MGLL: variants seen among roughly 807,000 people sequenced by gnomAD.
MGLL encodes lysophospholipase homolog.
In MGLL, 7 loss-of-function variants were observed where a neutral mutation model predicts 29.1. The ratio of observed to expected loss-of-function variants is 0.24; its 90% CI spans 0.14 to 0.45. MGLL has a LOEUF of 0.45. MGLL is among the 20% of genes least tolerant of loss of function. MGLL has a pLI of 0.99. For synonymous variants in MGLL, 148 were observed against 168.3 expected, an observed-to-expected ratio of 0.88 and a Z score of 0.93; for missense variants, 356 against 413.6, an observed-to-expected ratio of 0.86 and a Z score of 1.21.
chr3:127,779,788 C>G (rs1317155695), intron 3 of MGLL, among the ~76,000 whole-genome samples: 3 of 152,156 alleles, frequency 2.0e-5, no homozygotes, highest in Non-Finnish European at 4.4e-5. Context: ...TCTTCACTTA[C>G]TAGCACATTT....
chr3:127,765,542 G>A (rs1014290096), intron 3 of MGLL, among the ~76,000 whole-genome samples: 19 of 152,228 alleles, frequency 1.2e-4, no homozygotes, highest in Non-Finnish European at 2.5e-4. Context: ...GAAGAGCCAC[G>A]TGTTCTTGTC....
intron 7 of MGLL, among the ~76,000 whole-genome samples, chr3:127,693,205 C>T (rs372637555): frequency 2.0e-5 from 3 of 152,192 alleles, no homozygotes; most frequent in African/African-American, 7.2e-5. Context: ...CTCATTACTG[C>T]AAGCCCAAAC....
intron 2 of MGLL, among the ~76,000 whole-genome samples, chr3:127,812,659 G>A (rs2077684496): frequency 6.6e-6 from 1 of 152,226 alleles, no homozygotes; most frequent in Non-Finnish European, 1.5e-5. Flanking sequence ...CAGGTCCGCA[G>A]AGTCCCCAGA....
chr3:127,798,348 A>T (rs1173099945), intron 2 of MGLL, among the ~76,000 whole-genome samples: 1 of 151,984 alleles, frequency 6.6e-6, no homozygotes, highest in Non-Finnish European at 1.5e-5. Flanking sequence ...CGTCTCTCTG[A>T]GCTCCCACCT....
At chr3:127,719,235 C>T (rs2107619518) in intron 5 of MGLL, among the ~76,000 whole-genome samples, 1 of 152,354 alleles carries the variant, frequency 6.6e-6, no homozygotes, top group South Asian at 2.1e-4. Context: ...TTGGTCCCAC[C>T]TCCAGGCCCA....
intron 2 of MGLL, among the ~76,000 whole-genome samples, chr3:127,819,870 G>A (rs1384411370): frequency 1.3e-5 from 2 of 151,950 alleles, no homozygotes; most frequent in Non-Finnish European, 2.9e-5. Flanking sequence ...ACTGCCCCAA[G>A]ATCCAGCAAG....
At chr3:127,780,711 A>AG (rs2077109829) in intron 3 of MGLL, among the ~76,000 whole-genome samples, 1 of 152,252 alleles carries the variant, frequency 6.6e-6, no homozygotes, top group African/African-American at 2.4e-5. Flanking sequence ...CGTACAGATA[A>AG]GGCTTTCCCG....
intron 3 of MGLL, among the ~76,000 whole-genome samples, chr3:127,774,645 C>A (rs145380296): frequency 3.9e-5 from 6 of 152,292 alleles, no homozygotes; most frequent in Non-Finnish European, 7.4e-5. Context: ...CTGGCAGGTA[C>A]TTCGTGTCTA....
At chr3:127,703,468 T>C (rs2075538562) in intron 6 of MGLL, among the ~76,000 whole-genome samples, 1 of 152,198 alleles carries the variant, frequency 6.6e-6, no homozygotes, top group African/African-American at 2.4e-5. Context: ...CTGTTACTTT[T>C]CCTAAATGTG....
At chr3:127,721,244 C>T in intron 4 of MGLL, 81 bp from the exon 5 acceptor site, 1 of 1,221,522 alleles carries the variant, frequency 8.2e-7, no homozygotes, top group Non-Finnish European at 1.2e-6. Context: ...CAATGCAGTC[C>T]TCTTAAGCTG....
At chr3:127,723,710 T>C (rs931414220) in intron 3 of MGLL, among the ~76,000 whole-genome samples, 1 of 152,250 alleles carries the variant, frequency 6.6e-6, no homozygotes, top group Non-Finnish European at 1.5e-5. Flanking sequence ...TAAATCGTAC[T>C]GTTTGAACCA....
At chr3:127,719,745 T>C (rs2107620115) in intron 5 of MGLL, among the ~76,000 whole-genome samples, 1 of 152,312 alleles carries the variant, frequency 6.6e-6, no homozygotes, top group East Asian at 1.9e-4. Context: ...CTAAGGGACC[T>C]CGATCACTCT....
At chr3:127,745,521 GA>G (rs1343875271) in intron 3 of MGLL, among the ~76,000 whole-genome samples, 1 of 152,130 alleles carries the variant, frequency 6.6e-6, no homozygotes, top group Non-Finnish European at 1.5e-5. Context: ...ATAGAAGGTG[GA>G]ATGACAGACA....
intron 2 of MGLL, among the ~76,000 whole-genome samples, chr3:127,792,099 G>A (rs1014415156): frequency 2.6e-5 from 4 of 152,140 alleles, no homozygotes; most frequent in African/African-American, 4.8e-5. Flanking sequence ...GCAGCATCCC[G>A]GCCCCCAGAG....
intron 3 of MGLL, among the ~76,000 whole-genome samples, chr3:127,734,260 C>T (rs899457061): frequency 1.3e-5 from 2 of 152,228 alleles, no homozygotes; most frequent in African/African-American, 4.8e-5. Context: ...AGGTGCTAAC[C>T]TGGGACTGGT....
intron 2 of MGLL, among the ~76,000 whole-genome samples, chr3:127,782,208 C>T (rs970956495): frequency 2.0e-5 from 3 of 151,946 alleles, no homozygotes; most frequent in Admixed American, 6.6e-5. Context: ...GGTGACAGAG[C>T]GAGACTCTGT....
intron 2 of MGLL, among the ~76,000 whole-genome samples, chr3:127,802,984 CTCTTT>C (rs2077503403): frequency 1.3e-5 from 2 of 150,242 alleles, no homozygotes; most frequent in Admixed American, 1.3e-4. Flanking sequence ...CTCTCTCTCT[CTCTTT>C]TTTTTTTTTA....
chr3:127,741,328 G>T (rs1011733632), intron 3 of MGLL, among the ~76,000 whole-genome samples: 11 of 152,206 alleles, frequency 7.2e-5, no homozygotes, highest in African/African-American at 2.4e-4. Context: ...TCTTGGGGGG[G>T]AAAGTGGACC....
chr3:127,756,673 C>G (rs2076670536), intron 3 of MGLL, among the ~76,000 whole-genome samples: 1 of 152,238 alleles, frequency 6.6e-6, no homozygotes, highest in Non-Finnish European at 1.5e-5. Flanking sequence ...AAACACAGGC[C>G]TGGCCTATCT....
Sources: allele counts gnomAD v4.1 joint callset (sites outside exome capture counted in the v4.1 genomes callset), GRCh38; gene constraint gnomAD v4.1.1; transcripts MANE v1.5; gene names NCBI Gene and HGNC (gene_info 2026-07-23, HGNC 2026-07-21).